The following COL12A1 variants were observed in gnomAD, a reference collection of about 807,000 sequenced individuals.
COL12A1 encodes the protein collagen alpha-1(XII) chain.
Under a neutral mutation model 349.7 loss-of-function variants are expected in COL12A1, and 114 were observed. That is an observed-to-expected ratio of 0.33 (90% CI 0.28 to 0.38). The LOEUF is 0.38. Among genes scored for constraint, COL12A1 ranks in the 10% least tolerant of loss-of-function variants. The pLI, the probability that COL12A1 is intolerant of heterozygous loss-of-function variation, is 1.00. For missense variants in COL12A1, 3,284 were observed against 3,756.9 expected, an observed-to-expected ratio of 0.87 and a Z score of 3.29; for synonymous variants, 1,369 against 1,329.0, an observed-to-expected ratio of 1.03 and a Z score of -0.66.
In COL12A1 at chr6:75,181,036, G is replaced by A; in HGVS notation, c.2067C>T (p.Ser689=). 6.2e-7 allele frequency: 1 copy of A among 1,614,088 alleles called. No individual in the cohort carries two copies. Among genetic ancestry groups the A allele is most frequent in the Non-Finnish European group, 8.5e-7 (1 of 1,180,006 alleles). Residue 689 remains serine, a synonymous_variant, in exon 11 of 66, where the codon AGC becomes AGT. Transcript: ENST00000322507. ...EPASSTSVVL[S]SLKPETLYLV... is the part of the protein sequence containing the mutation. Reference sequence around the variant, plus strand: ...AATACAAGGTCTCTGGCTTCAGGCTGCTGAGAACAACACTGGTGCTCGATG... The same window carrying A: ...AATACAAGGTCTCTGGCTTCAGGCTACTGAGAACAACACTGGTGCTCGATG...
chr6:75,086,560 G>A lies in COL12A1; in HGVS notation c.9182-3C>T. On this transcript the variant is annotated splice_polypyrimidine_tract_variant and splice_region_variant and intron_variant, in intron 65 of 65. Transcript: ENST00000322507. Reference sequence around the variant, plus strand: ...TTAGAAAATGTGTTAGCCGGAACCTGAAACAGGTCAAAGATGATAGTTTTT... The same window carrying A: ...TTAGAAAATGTGTTAGCCGGAACCTAAAACAGGTCAAAGATGATAGTTTTT... 6.2e-7 allele frequency: 1 copy of A among 1,603,824 alleles called. No homozygotes were observed. Among genetic ancestry groups the A allele is most frequent in the Non-Finnish European group, 8.5e-7 (1 of 1,174,234 alleles).
chr6:75,120,151 T>A (rs983213665), intron 44 of COL12A1, among the ~76,000 whole-genome samples: 2 of 152,210 alleles, frequency 1.3e-5, no homozygotes, highest in Non-Finnish European at 2.9e-5. Flanking sequence ...GATCAGTATT[T>A]TTTTTAGAAA....
At chr6:75,202,850 C>T in intron 1 of COL12A1, 23 bp from the exon 2 acceptor site, 1 of 1,490,030 alleles carries the variant, frequency 6.7e-7, no homozygotes, top group Non-Finnish European at 9.2e-7. Flanking sequence ...GTAGTGACTG[C>T]ATCAGAACTG....
chr6:75,171,615 A>G (rs550326610), intron 13 of COL12A1, among the ~76,000 whole-genome samples: 1 of 152,340 alleles, frequency 6.6e-6, no homozygotes, highest in African/African-American at 2.4e-5. Flanking sequence ...CATTCCTTCA[A>G]GTTCTGCTCT....
chr6:75,123,276 A>C (rs578068212), intron 43 of COL12A1, 54 bp downstream of exon 43: 1 of 1,407,486 alleles, frequency 7.1e-7, no homozygotes, highest in East Asian at 2.3e-5. Context: ...AGCGTAAATA[A>C]GAAGTCTGTA....
chr6:75,134,710 C>G lies in COL12A1; in HGVS notation c.5524+16G>C, dbSNP rs755749812. On this transcript the variant is annotated intron_variant, in intron 32 of 65. Transcript: ENST00000322507. ...GTAGCTATTAAAGAAGCTATAGGAA[C>G]TCAGGTTTCACTTACTGGTCTTGCC... is the stretch of plus-strand genomic sequence containing the variant. 3 of 1,586,464 alleles carry G rather than the reference C, an allele frequency of 1.9e-6. No individual in the cohort carries two copies. In the East Asian group the frequency reaches 6.7e-5, roughly 36 times the overall value.
intron 23 of COL12A1, 84 bp from the exon 24 acceptor site, chr6:75,146,328 T>G: frequency 7.2e-7 from 1 of 1,382,994 alleles, no homozygotes. Flanking sequence ...CAATTATTGA[T>G]ATTTGTATAT....
intron 14 of COL12A1, among the ~76,000 whole-genome samples, chr6:75,160,894 A>G (rs1170150150): frequency 1.3e-5 from 2 of 152,242 alleles, no homozygotes; most frequent in African/African-American, 2.4e-5. Context: ...AAACTTCTCA[A>G]TAAAAACCAA....
In COL12A1 at chr6:75,085,156, C is replaced by T. The variant is rs191317998; in HGVS notation, c.*1391G>A. The T allele has an allele frequency of 2.6e-5, 12 of 453,872 alleles. No individual in the cohort carries two copies. The highest frequency in any genetic ancestry group is 1.7e-4 in the South Asian group (11 of 63,908). 28.1% of individuals were successfully genotyped at this position (453,872 alleles called of 1,614,324 possible). The stretch of plus-strand genomic sequence containing the variant: ...TGTAAATGAGAATTTCAACACCTCC[C>T]CCAAGCCTCGCGGCGCGGCGCGTGA... On this transcript the variant is annotated 3_prime_UTR_variant, in exon 66 of 66. Transcript: ENST00000322507.
At position 75,192,355 on chromosome 6, in the gene COL12A1, T is replaced by A. The variant is rs1273996799; in HGVS notation, c.191A>T (p.Asp64Val). The change falls in exon 4 of 66, where the codon GAT becomes GTT. Residue 64 changes from aspartate (D) to valine (V), a missense_variant and splice_region_variant. Physicochemically the swap from Asp to Val is radical, Grantham distance 152. Transcript: ENST00000322507. ...GYRITVDPTT[D>V]GPTKEFTLSA... ...AAGGGTAAATTCTTTAGTAGGCCCA[T>A]CTGGAAATATAAAAAGGAAAAATAT... 1 of 1,609,990 alleles carries A rather than the reference T, an allele frequency of 6.2e-7. No individual in the cohort carries two copies. Among genetic ancestry groups the A allele is most frequent in the Non-Finnish European group, 8.5e-7 (1 of 1,177,872 alleles).
intron 46 of COL12A1, among the ~76,000 whole-genome samples, chr6:75,118,777 T>TA (rs1158778950): frequency 2.0e-5 from 3 of 152,238 alleles, no homozygotes; most frequent in East Asian, 3.8e-4. Flanking sequence ...ATCATTGCTT[T>TA]CTGTAGCCTT....
intron 14 of COL12A1, among the ~76,000 whole-genome samples, chr6:75,164,196 A>T (rs1476805687): frequency 6.6e-6 from 1 of 152,180 alleles, no homozygotes; most frequent in Non-Finnish European, 1.5e-5. Flanking sequence ...ATTTCCTATA[A>T]AGAAGTTGAT....
rs567861764 is a variant in COL12A1, at chr6:75,200,216, G to A, written c.73+2504C>T. Among the ~76,000 whole-genome samples the A allele has an allele frequency of 5.3e-5, 8 of 152,192 alleles. No homozygotes were observed. The South Asian group carries it at 1.7e-3, about 32-fold the overall frequency. ...CAAAGGCCCCTAGCACCACTTAGTAGTCAACAGCAGAGCTGTGCTGTCCGA... is the reference window on the plus strand; with the variant it reads ...CAAAGGCCCCTAGCACCACTTAGTAATCAACAGCAGAGCTGTGCTGTCCGA... On this transcript the variant is annotated intron_variant, in intron 2 of 65. Transcript: ENST00000322507.
At chr6:75,199,235 A>G (rs1367030217) in intron 2 of COL12A1, among the ~76,000 whole-genome samples, 3 of 152,202 alleles carry the variant, frequency 2.0e-5, no homozygotes, top group Non-Finnish European at 4.4e-5. Context: ...TTCATATCTA[A>G]GTAAGTGCAT....
intron 42 of COL12A1, 145 bp from the exon 43 acceptor site, chr6:75,123,549 G>A (rs1191345356): frequency 1.4e-6 from 1 of 709,982 alleles, no homozygotes; most frequent in South Asian, 1.7e-5. Context: ...CTGACATGCT[G>A]GGGATTTTAT....
chr6:75,139,635 C>T (rs1449920267), intron 27 of COL12A1, among the ~76,000 whole-genome samples: 1 of 152,202 alleles, frequency 6.6e-6, no homozygotes, highest in Non-Finnish European at 1.5e-5. Context: ...GAATTCCAAT[C>T]TAGGAATATT....
chr6:75,115,294 A>G (rs1172475759), intron 49 of COL12A1, among the ~76,000 whole-genome samples: 3 of 152,168 alleles, frequency 2.0e-5, no homozygotes, highest in Admixed American at 6.6e-5. Context: ...TCATGAAGTA[A>G]AATAACATCT....
chr6:75,177,590 G>A, intron 12 of COL12A1, 73 bp downstream of exon 12: 1 of 1,561,956 alleles, frequency 6.4e-7, no homozygotes. Flanking sequence ...TTTTTTATCT[G>A]GATAGTTGTC....
At position 75,124,055 on chromosome 6, in the gene COL12A1, G is replaced by T; in HGVS notation, c.6764C>A (p.Thr2255Asn). The T allele has an allele frequency of 6.2e-7, 1 of 1,613,910 alleles. No individual in the cohort carries two copies. Among genetic ancestry groups the T allele is most frequent in the Non-Finnish European group, 8.5e-7 (1 of 1,179,850 alleles). ...TGAAAGGCCAGTGAAGCAGTGACTG[G>T]TTTCTGATCCACGCACTGTAATTTC... ...GQEITVRGSE[T>N]SHCFTGLSPD... The change falls in exon 42 of 66, where the codon ACC (threonine) becomes AAC (asparagine). Residue 2255 changes from threonine (T) to asparagine (N), a missense_variant. Coordinates refer to ENST00000322507, the MANE Select transcript of COL12A1 (RefSeq NM_004370.6).
Sources: gnomAD v4.1 joint callset for allele counts (sites outside exome capture counted in the v4.1 genomes callset) on GRCh38, gnomAD v4.1.1 for gene constraint, MANE v1.5 for transcripts, NCBI Gene and HGNC (gene_info 2026-07-23, HGNC 2026-07-21) for gene names.